Variants in HSF2BP observed in about 807,000 individuals in gnomAD.
HSF2BP encodes heat shock transcription factor 2 binding protein.
A neutral mutation model predicts 35.0 loss-of-function variants in HSF2BP; 35 were observed. The observed-to-expected ratio is 1.00, with a 90% confidence interval of 0.76 to 1.32. The LOEUF is 1.32. Ranked by LOEUF, HSF2BP falls within the 40% of genes most tolerant of loss-of-function variation. The pLI is 0.00. For synonymous variants in HSF2BP, 114 were observed against 117.4 expected (o/e 0.97, Z 0.18); for missense variants, 326 against 321.7 (o/e 1.01, Z -0.10).
chr21:43,625,112 A>T (rs1288941835), intron 6 of HSF2BP, among the ~76,000 whole-genome samples: 1 of 152,164 alleles, frequency 6.6e-6, no homozygotes, highest in African/African-American at 2.4e-5. Flanking sequence ...TAAATTTCTG[A>T]TTTCCAGCTT....
At chr21:43,641,958 G>T (rs9306159) in intron 4 of HSF2BP, among the ~76,000 whole-genome samples, 99,348 of 149,038 alleles carry the variant, frequency 0.67, 33,483 homozygotes, top group East Asian at 0.79. Flanking sequence ...TAATCTAATT[G>T]AGGATCTAGT....
chr21:43,582,227 G>C (rs2081757620), intron 8 of HSF2BP, among the ~76,000 whole-genome samples: 1 of 146,428 alleles, frequency 6.8e-6, no homozygotes, highest in Non-Finnish European at 1.5e-5. Context: ...AGGGCCTGCT[G>C]TGGGGGATGA....
At chr21:43,581,492 G>C (rs866517568) in intron 8 of HSF2BP, among the ~76,000 whole-genome samples, 1 of 152,144 alleles carries the variant, frequency 6.6e-6, no homozygotes, top group African/African-American at 2.4e-5. Flanking sequence ...ACCTGGACAG[G>C]GATAAAGCTG....
chr21:43,646,943 C>G (rs2082716703), intron 3 of HSF2BP, among the ~76,000 whole-genome samples: 1 of 152,210 alleles, frequency 6.6e-6, no homozygotes, highest in Non-Finnish European at 1.5e-5. Context: ...ACCCTGAAGG[C>G]AGGGATTTGC....
intron 5 of HSF2BP, among the ~76,000 whole-genome samples, chr21:43,631,647 A>G (rs1425432667): frequency 9.2e-5 from 14 of 152,124 alleles, no homozygotes; most frequent in Admixed American, 8.5e-4. Flanking sequence ...TGAATCACCA[A>G]CCTGGTATTC....
chr21:43,626,409 T>C (rs912298131), intron 6 of HSF2BP, among the ~76,000 whole-genome samples: 1 of 152,228 alleles, frequency 6.6e-6, no homozygotes, highest in African/African-American at 2.4e-5. Context: ...CTTAAAGCTG[T>C]TGGGACTTTA....
intron 4 of HSF2BP, among the ~76,000 whole-genome samples, chr21:43,639,000 T>A (rs1256887425): frequency 6.6e-6 from 1 of 152,174 alleles, no homozygotes; most frequent in African/African-American, 2.4e-5. Flanking sequence ...CCCAGGCCAG[T>A]ATGACTGAAT....
At chr21:43,507,076 C>T in the HSF2BP span, among the ~76,000 whole-genome samples, 75 of 125,338 alleles carry the variant, frequency 6.0e-4, 13 homozygotes, top group African/African-American at 1.9e-3. Flanking sequence ...ACAGAGCACG[C>T]GTGGCAAGGT....
chr21:43,642,786 G>C (rs1008610582), intron 4 of HSF2BP, among the ~76,000 whole-genome samples: 9 of 140,970 alleles, frequency 6.4e-5, no homozygotes, highest in African/African-American at 2.4e-4. Context: ...TACTGGAATG[G>C]CTTCTTTTCT....
chr21:43,614,061 T>C, intron 6 of HSF2BP, 114 bp from the exon 7 acceptor site: 1 of 748,924 alleles, frequency 1.3e-6, no homozygotes, highest in Non-Finnish European at 2.2e-6. Context: ...CAGCTGAAAA[T>C]GAGGCATTTA....
intron 6 of HSF2BP, 125 bp downstream of exon 6, chr21:43,630,197 C>G: frequency 1.4e-6 from 1 of 718,116 alleles, no homozygotes; most frequent in Non-Finnish European, 2.2e-6. Flanking sequence ...ATAGTGTAAA[C>G]ATAATTTGTA....
Sources: gnomAD v4.1 joint callset for allele counts (sites outside exome capture counted in the v4.1 genomes callset) on GRCh38, gnomAD v4.1.1 for gene constraint, MANE v1.5 for transcripts, NCBI Gene and HGNC (gene_info 2026-07-23, HGNC 2026-07-21) for gene names.